Variants in SH3BP5 observed in about 807,000 individuals in gnomAD.
SH3BP5 encodes SH3 domain-binding protein 5.
SH3BP5 carries 22 observed loss-of-function variants against 43.3 expected under a neutral mutation model. The observed-to-expected ratio is 0.51, with a 90% CI of 0.36 to 0.73. SH3BP5 has a LOEUF of 0.73. Among genes scored for constraint, SH3BP5 ranks in the 30% least tolerant of loss-of-function variants. The pLI, the probability that SH3BP5 is intolerant of heterozygous loss-of-function variation, is 0.00. For missense variants in SH3BP5, 529 were observed against 586.9 expected (o/e 0.90, Z 1.02); for synonymous variants, 255 against 225.8 (o/e 1.13, Z -1.16).
chr3:15,261,424 TG>T (rs1434749479), intron 5 of SH3BP5, among the ~76,000 whole-genome samples: 4 of 152,212 alleles, frequency 2.6e-5, no homozygotes, highest in African/African-American at 9.7e-5. Flanking sequence ...GCATGAGGAC[TG>T]GGCATCTGCC....
intron 2 of SH3BP5, among the ~76,000 whole-genome samples, chr3:15,307,691 A>C (rs1041508789): frequency 6.6e-6 from 1 of 152,256 alleles, no homozygotes; most frequent in Non-Finnish European, 1.5e-5. Flanking sequence ...AGGCGAGGGC[A>C]GCTGACACGG....
rs761480793 is a variant in SH3BP5 at position 15,256,878 on chromosome 3, G to A, written c.1125C>T (p.Ser375=). ...LGPRSECSGA[S]SPECEVERGD... ...CTCGTTCTACTTCACATTCAGGGGA[G>A]GAGGCCCCGCTGCATTCACTTCGAG... Residue 375 remains serine (S), a synonymous_variant, in exon 8 of 9, where the codon TCC becomes TCT. Coordinates refer to ENST00000383791, the MANE Select transcript of SH3BP5 (RefSeq NM_004844.5). 1.2e-6 allele frequency: 2 copies of A among 1,612,584 alleles called. No homozygotes were observed. Among genetic ancestry groups the A allele is most frequent in the Non-Finnish European group, 1.7e-6 (2 of 1,178,808 alleles).
intron 3 of SH3BP5, among the ~76,000 whole-genome samples, chr3:15,293,631 G>C (rs1219271321): frequency 6.6e-6 from 1 of 152,200 alleles, no homozygotes; most frequent in African/African-American, 2.4e-5. Flanking sequence ...GTGTCTTTCA[G>C]ATTTGCAAAT....
At chr3:15,309,021 T>G (rs1251164652) in intron 2 of SH3BP5, among the ~76,000 whole-genome samples, 2 of 152,148 alleles carry the variant, frequency 1.3e-5, no homozygotes, top group African/African-American at 2.4e-5. Flanking sequence ...AATCAAATAC[T>G]GACCACAATG....
At chr3:15,331,433 A>G (rs1698606926) in intron 1 of SH3BP5, among the ~76,000 whole-genome samples, 1 of 152,210 alleles carries the variant, frequency 6.6e-6, no homozygotes, top group Admixed American at 6.5e-5. Context: ...TAAAAAAATG[A>G]TTTATTGAAA....
chr3:15,298,809 AT>A (rs1648988852), intron 3 of SH3BP5, among the ~76,000 whole-genome samples: 1 of 152,058 alleles, frequency 6.6e-6, no homozygotes, highest in African/African-American at 2.4e-5. Flanking sequence ...AGAGGGGAGG[AT>A]TGGGGAGTTA....
chr3:15,256,936 G>A lies in SH3BP5; in HGVS notation c.1067C>T (p.Ser356Leu), dbSNP rs1409377216. 6.2e-7 allele frequency: 1 copy of A among 1,614,172 alleles called. No homozygotes were observed. Among genetic ancestry groups the A allele is most frequent in the South Asian group, 1.1e-5 (1 of 91,082 alleles). The change falls in exon 8 of 9, where the codon TCA (serine) becomes TTA (leucine). Residue 356 changes from serine (S) to leucine (L), a missense_variant. Coordinates refer to ENST00000383791, the MANE Select transcript of SH3BP5 (RefSeq NM_004844.5). ...CACTGGGAACATCATCCCAAACTCTGACAGGGACACAGGGCTGGGCAGATC... is the reference window on the plus strand; with the variant it reads ...CACTGGGAACATCATCCCAAACTCTAACAGGGACACAGGGCTGGGCAGATC... Reference protein sequence around the residue: ...SLDLPSPVSLSEFGMMFPVLG... With the variant: ...SLDLPSPVSLLEFGMMFPVLG...
intron 3 of SH3BP5, among the ~76,000 whole-genome samples, chr3:15,281,310 G>C (rs538740284): frequency 6.6e-6 from 1 of 152,316 alleles, no homozygotes; most frequent in South Asian, 2.1e-4. Context: ...GCATTGATTT[G>C]ACCAGGACAA....
chr3:15,263,155 C>T (rs138224243), intron 4 of SH3BP5, among the ~76,000 whole-genome samples: 44 of 152,264 alleles, frequency 2.9e-4, no homozygotes, highest in African/African-American at 1.0e-3. Flanking sequence ...AAACAAAAAC[C>T]AGAAAATTTT....
At chr3:15,259,143 A>G in intron 6 of SH3BP5, 93 bp from the exon 7 acceptor site, 1 of 1,002,252 alleles carries the variant, frequency 1.0e-6, no homozygotes, top group Non-Finnish European at 1.5e-6. Context: ...TCTGCCCATC[A>G]TTCTACTTCA....
At chr3:15,283,817 C>CT (rs1249406537) in intron 3 of SH3BP5, among the ~76,000 whole-genome samples, 1 of 152,254 alleles carries the variant, frequency 6.6e-6, no homozygotes, top group African/African-American at 2.4e-5. Flanking sequence ...TCCACCTCTA[C>CT]TGCCCTGATG....
intron 4 of SH3BP5, chr3:15,264,165 A>T (rs1407048124): frequency 6.6e-6 from 1 of 152,240 alleles, no homozygotes; most frequent in Non-Finnish European, 1.5e-5. Context: ...TTATATGGGC[A>T]TTAAAAATTA....
At position 15,310,763 on chromosome 3, in the gene SH3BP5, G is replaced by A. The variant is rs189935997; in HGVS notation, c.202-6532C>T. 1.2e-4 allele frequency among the ~76,000 whole-genome samples: 18 copies of A among 152,258 alleles called. No individual in the cohort carries two copies. The East Asian group carries it at 3.3e-3, about 28-fold the overall frequency. On this transcript the variant is annotated intron_variant, in intron 2 of 8. Coordinates refer to ENST00000383791, the MANE Select transcript of SH3BP5 (RefSeq NM_004844.5). ...TCAGCTCTTCAAATGTGAAAATTGTGTTTCATCCATTAGGTGACTCAGACT... is the reference window on the plus strand; with the variant it reads ...TCAGCTCTTCAAATGTGAAAATTGTATTTCATCCATTAGGTGACTCAGACT...
At chr3:15,327,385 G>A (rs886552116) in intron 2 of SH3BP5, among the ~76,000 whole-genome samples, 4 of 152,010 alleles carry the variant, frequency 2.6e-5, no homozygotes, top group Admixed American at 6.6e-5. Context: ...GGGCGACAGC[G>A]TGAGACTCCG....
intron 3 of SH3BP5, chr3:15,273,250 T>C (rs911544747): frequency 2.0e-6 from 2 of 985,302 alleles, no homozygotes; most frequent in South Asian, 4.7e-5. Flanking sequence ...CTTCTCCCAG[T>C]TCTCTCTGCT....
Position 15,332,568 on chromosome 3 carries a change from C to G in SH3BP5, c.-160G>C. On this transcript the variant is annotated 5_prime_UTR_variant, in exon 1 of 9. Coordinates refer to ENST00000383791, the MANE Select transcript of SH3BP5 (RefSeq NM_004844.5). ...CGCAGCTCGCCGATGCGGATACCTC[C>G]GGCCGCGGCGGAGCAGAGGAAATGG... 2 of 1,226,998 alleles carry G rather than the reference C, an allele frequency of 1.6e-6. No individual in the cohort carries two copies. Among genetic ancestry groups the G allele is most frequent in the Non-Finnish European group, 2.0e-6 (2 of 985,948 alleles). 76.0% of individuals were successfully genotyped at this position (1,226,998 alleles called of 1,614,324 possible). A position where few individuals can be genotyped will look rare whatever the true frequency, so the allele number is the denominator to read the frequency against.
At chr3:15,273,731 C>T (rs1008703082) in intron 3 of SH3BP5, among the ~76,000 whole-genome samples, 1 of 152,168 alleles carries the variant, frequency 6.6e-6, no homozygotes, top group Non-Finnish European at 1.5e-5. Flanking sequence ...AGCTAAAGAC[C>T]CTCACTTCCC....
chr3:15,263,834 C>T (rs1242134358), intron 4 of SH3BP5, among the ~76,000 whole-genome samples: 1 of 152,204 alleles, frequency 6.6e-6, no homozygotes, highest in African/African-American at 2.4e-5. Flanking sequence ...CTTCTGCCTA[C>T]CACTCAGTGT....
upstream of SH3BP5, among the ~76,000 whole-genome samples, chr3:15,335,179 G>A (rs1449006616): frequency 2.6e-5 from 4 of 152,042 alleles, no homozygotes; most frequent in Non-Finnish European, 5.9e-5. Flanking sequence ...TGGATCACCT[G>A]AGGTCAGGAG....
Sources: allele counts gnomAD v4.1 joint callset (sites outside exome capture counted in the v4.1 genomes callset), GRCh38; gene constraint gnomAD v4.1.1; transcripts MANE v1.5; gene names NCBI Gene and HGNC (gene_info 2026-07-23, HGNC 2026-07-21).